Variants in ESR2 observed in about 807,000 individuals in gnomAD.
ESR2 encodes the protein estrogen receptor 2, also known as estrogen receptor beta.
A neutral mutation model predicts 49.6 loss-of-function variants in ESR2; 36 were observed. That is an observed-to-expected ratio of 0.73 (90% CI 0.56 to 0.96). The LOEUF is 0.96. ESR2 is among the 40% of genes least tolerant of loss of function. The probability of loss-of-function intolerance (pLI) is 0.00; values close to 1 mark genes in which losing one functional copy is unlikely to be tolerated. For missense variants in ESR2, 714 were observed against 693.0 expected, an observed-to-expected ratio of 1.03 and a Z score of -0.34; for synonymous variants, 320 against 266.1, an observed-to-expected ratio of 1.20 and a Z score of -1.97.
At chr14:64,304,581 T>C (rs963157768) in intron 1 of ESR2, among the ~76,000 whole-genome samples, 1 of 152,138 alleles carries the variant, frequency 6.6e-6, no homozygotes, top group Non-Finnish European at 1.5e-5. Flanking sequence ...CAAAAGTAAA[T>C]TAAAACCTGC....
chr14:64,234,883 C>A, intron 8 of ESR2, 87 bp downstream of exon 8: 1 of 1,554,102 alleles, frequency 6.4e-7, no homozygotes, highest in Non-Finnish European at 8.7e-7. Flanking sequence ...CCTTAACTTG[C>A]AGACACTTTT....
chr14:64,288,293 G>T (rs2076813585), intron 1 of ESR2, among the ~76,000 whole-genome samples: 2 of 150,618 alleles, frequency 1.3e-5, no homozygotes, highest in South Asian at 2.1e-4. Context: ...ATGATTCATG[G>T]ACAAGAAAAA....
chr14:64,264,677 C>G (rs995970106), intron 4 of ESR2, among the ~76,000 whole-genome samples: 7 of 152,074 alleles, frequency 4.6e-5, no homozygotes, highest in Non-Finnish European at 1.0e-4. Flanking sequence ...TGAAGACTAG[C>G]CTGGGCAACA....
chr14:64,238,610 G>A (rs1002709036), intron 7 of ESR2, among the ~76,000 whole-genome samples: 6 of 152,012 alleles, frequency 3.9e-5, no homozygotes, highest in African/African-American at 1.5e-4. Context: ...TGGGGCAAGG[G>A]ACAAGATCCA....
In ESR2 at chr14:64,270,515, A is replaced by AT. The variant is rs199521998; in HGVS notation, c.536-1605dup. Among the ~76,000 whole-genome samples the AT allele has an allele frequency of 5.9e-3, 867 of 146,806 alleles. 1 individual carries two copies. The highest frequency in any genetic ancestry group is 0.012 in the African/African-American group (500 of 40,332). ...CACATTAGCAAACAATGAAAAGGTA[A>AT]TTTTTTTTTTTTTGAGACAGAACCT... On this transcript the variant is annotated intron_variant, in intron 3 of 8. Transcript: ENST00000341099.
intron 7 of ESR2, among the ~76,000 whole-genome samples, chr14:64,244,728 C>T (rs1332340647): frequency 6.6e-6 from 1 of 152,234 alleles, no homozygotes; most frequent in African/African-American, 2.4e-5. Context: ...CCCTGGTTCA[C>T]TAGCATGCAG....
intron 3 of ESR2, among the ~76,000 whole-genome samples, chr14:64,270,043 T>C (rs980054964): frequency 6.6e-6 from 1 of 152,048 alleles, no homozygotes; most frequent in Non-Finnish European, 1.5e-5. Context: ...ATAAAATAGA[T>C]GAGAAGCAAA....
At chr14:64,236,230 A>C (rs1408705925) in intron 7 of ESR2, among the ~76,000 whole-genome samples, 1 of 152,172 alleles carries the variant, frequency 6.6e-6, no homozygotes, top group Non-Finnish European at 1.5e-5. Flanking sequence ...GCTTTGCCAC[A>C]TCCCTAGGGA....
chr14:64,266,927 C>T (rs571960691), intron 4 of ESR2, among the ~76,000 whole-genome samples: 1 of 152,328 alleles, frequency 6.6e-6, no homozygotes, highest in South Asian at 2.1e-4. Context: ...TGTCACCAGG[C>T]TGGAGTGTAG....
chr14:64,273,770 T>C (rs1203940823), intron 3 of ESR2, among the ~76,000 whole-genome samples: 1 of 152,168 alleles, frequency 6.6e-6, no homozygotes, highest in East Asian at 1.9e-4. Context: ...TGATGTTTCT[T>C]TGGTTCTGGT....
chr14:64,229,575 C>T lies in ESR2; in HGVS notation c.*3562G>A, dbSNP rs1246415674. Among the ~76,000 whole-genome samples the T allele has an allele frequency of 1.3e-5, 2 of 152,120 alleles. No individual in the cohort carries two copies. The highest frequency in any genetic ancestry group is 2.9e-5 in the Non-Finnish European group (2 of 68,034). ...CAGCAGCCGTGCATGTCAGGTTGCA[C>T]CTGATAGATTCTGCAGTTTTAAAAT... On this transcript the variant is annotated 3_prime_UTR_variant, in exon 9 of 9. Coordinates refer to ENST00000341099, the MANE Select transcript of ESR2 (RefSeq NM_001437.3).
intron 6 of ESR2, among the ~76,000 whole-genome samples, chr14:64,252,370 C>T (rs1481162218): frequency 6.6e-6 from 1 of 150,930 alleles, no homozygotes; most frequent in Non-Finnish European, 1.5e-5. Context: ...AATATTGAAA[C>T]AATGTATCAA....
intron 1 of ESR2, among the ~76,000 whole-genome samples, chr14:64,289,355 A>G (rs900922597): frequency 4.6e-5 from 7 of 152,122 alleles, no homozygotes; most frequent in South Asian, 2.1e-4. Flanking sequence ...TCTACTAAAA[A>G]TACAAAATTA....
At chr14:64,325,350 T>C (rs1413873994) in intron 1 of ESR2, among the ~76,000 whole-genome samples, 1 of 152,070 alleles carries the variant, frequency 6.6e-6, no homozygotes, top group Non-Finnish European at 1.5e-5. Flanking sequence ...AAATTATTCA[T>C]GAAATGATGA....
intron 1 of ESR2, among the ~76,000 whole-genome samples, chr14:64,318,914 G>A (rs1195783901): frequency 1.3e-5 from 2 of 151,976 alleles, no homozygotes; most frequent in Non-Finnish European, 2.9e-5. Flanking sequence ...GTTGGCATGT[G>A]CCTGTAATCC....
chr14:64,235,938 G>A (rs546485082), intron 7 of ESR2, among the ~76,000 whole-genome samples: 6 of 152,112 alleles, frequency 3.9e-5, no homozygotes, highest in East Asian at 1.9e-4. Context: ...TCCTCCCCCC[G>A]ACCCCTGCCT....
chr14:64,279,795 G>A (rs2076627411), intron 3 of ESR2, among the ~76,000 whole-genome samples, 186 bp downstream of exon 3: 1 of 152,088 alleles, frequency 6.6e-6, no homozygotes, highest in Non-Finnish European at 1.5e-5. Flanking sequence ...GGGGTTCTGG[G>A]GTAGAAATCT....
chr14:64,228,207 A>G (rs2098723929), downstream of ESR2, among the ~76,000 whole-genome samples: 1 of 152,220 alleles, frequency 6.6e-6, no homozygotes, highest in African/African-American at 2.4e-5. Context: ...CCTGGTTTTC[A>G]TCAAATTCTC....
rs759085413 is a variant in ESR2, at chr14:64,228,603, A to T, written c.*4534T>A. ...TCTGAAGTACACATTGAATGACAAA[A>T]GGTATAGGACCAACAGTTAAGGCAT... On this transcript the variant is annotated 3_prime_UTR_variant, in exon 9 of 9. Transcript: ENST00000341099. 6.6e-6 allele frequency among the ~76,000 whole-genome samples: 1 copy of T among 152,266 alleles called. No homozygotes were observed. Among genetic ancestry groups the T allele is most frequent in the Non-Finnish European group, 1.5e-5 (1 of 68,050 alleles).
Sources: allele counts gnomAD v4.1 joint callset (sites outside exome capture counted in the v4.1 genomes callset), GRCh38; gene constraint gnomAD v4.1.1; transcripts MANE v1.5; gene names NCBI Gene and HGNC (gene_info 2026-07-23, HGNC 2026-07-21).